Variants in CCDC148 observed in about 807,000 individuals in gnomAD.
The protein encoded by CCDC148 is coiled-coil domain containing 148, also known as coiled-coil domain-containing protein 148.
In CCDC148, 89 loss-of-function variants were observed where a neutral mutation model predicts 85.7. The ratio of observed to expected loss-of-function variants is 1.04; its 90% CI spans 0.87 to 1.24. The LOEUF (loss-of-function observed/expected upper bound fraction) is 1.24, where lower values mean the gene tolerates loss of function less well. CCDC148 is among the 50% of genes most tolerant of loss of function. The pLI is 0.00. For synonymous variants in CCDC148, 230 were observed against 213.9 expected, an observed-to-expected ratio of 1.08 and a Z score of -0.66; for missense variants, 692 against 671.7, an observed-to-expected ratio of 1.03 and a Z score of -0.33.
At chr2:158,403,331 TG>T (rs1400565098) in intron 1 of CCDC148, among the ~76,000 whole-genome samples, 1 of 152,056 alleles carries the variant, frequency 6.6e-6, no homozygotes, top group Non-Finnish European at 1.5e-5. Flanking sequence ...TTTGTAAGAC[TG>T]GGGCTTTCAA....
chr2:158,245,466 A>G (rs1299825323), intron 10 of CCDC148, among the ~76,000 whole-genome samples: 2 of 152,150 alleles, frequency 1.3e-5, no homozygotes, highest in African/African-American at 4.8e-5. Context: ...CAATTGCACA[A>G]AGTGTCTGGT....
rs768238108 is a variant in CCDC148, at chr2:158,339,042, A to G, written c.530T>C (p.Leu177Pro). ...KKQLKTVFER[L>P]RLEQQRIEND... ...TTCTATTCTCTGTTGCTCCAGCCTAAGTCTTTCAAAGACAGTTTTCAATTG... is the reference window on the plus strand; with the variant it reads ...TTCTATTCTCTGTTGCTCCAGCCTAGGTCTTTCAAAGACAGTTTTCAATTG... The change falls in exon 6 of 14, where the codon CTT (leucine) becomes CCT (proline). Residue 177 changes from leucine (L) to proline (P), a missense_variant. Physicochemically the swap from Leu to Pro is moderately conservative, Grantham distance 98. Coordinates refer to ENST00000283233, the MANE Select transcript of CCDC148 (RefSeq NM_138803.4). The G allele has an allele frequency of 2.5e-6, 4 of 1,613,832 alleles. No homozygotes were observed. In the African/African-American group the frequency reaches 5.3e-5, roughly 22 times the overall value.
intron 2 of CCDC148, among the ~76,000 whole-genome samples, chr2:158,354,927 C>T (rs1430793646): frequency 1.1e-4 from 16 of 151,902 alleles, no homozygotes; most frequent in South Asian, 2.1e-4. Flanking sequence ...GTTCAATATA[C>T]GCAAATCAAT....
chr2:158,290,189 G>A (rs1449518968), intron 9 of CCDC148, among the ~76,000 whole-genome samples: 1 of 152,186 alleles, frequency 6.6e-6, no homozygotes, highest in African/African-American at 2.4e-5. Flanking sequence ...GCTGAGGAGG[G>A]CACAAGCTGG....
intron 7 of CCDC148, among the ~76,000 whole-genome samples, chr2:158,326,189 A>C (rs900583014): frequency 6.6e-6 from 1 of 152,148 alleles, no homozygotes; most frequent in Non-Finnish European, 1.5e-5. Context: ...CTTGCCAGGC[A>C]TACTCCCGCC....
At chr2:158,270,076 T>C (rs1689633635) in intron 9 of CCDC148, among the ~76,000 whole-genome samples, 2 of 152,172 alleles carry the variant, frequency 1.3e-5, no homozygotes, top group South Asian at 4.1e-4. Context: ...GGCTAAACTG[T>C]TGGATTTTTA....
Position 158,456,519 on chromosome 2 carries a change from CA to C in CCDC148, c.-81del. 1 of 1,543,970 alleles carries C rather than the reference CA, an allele frequency of 6.5e-7. No individual in the cohort carries two copies. The highest frequency in any genetic ancestry group is 2.4e-5 in the East Asian group (1 of 42,522). On this transcript the variant is annotated 5_prime_UTR_variant, in exon 1 of 14. It removes the in-frame stop codon of an upstream open reading frame in the 5' UTR. Coordinates refer to ENST00000283233, the MANE Select transcript of CCDC148 (RefSeq NM_138803.4). Reference sequence around the variant, plus strand: ...ACGCCCACTCCTGGGCTCTCGCCGTCAGGGGTACATCTAAGGGCTCAGCTGT... The same window carrying C: ...ACGCCCACTCCTGGGCTCTCGCCGTCGGGGTACATCTAAGGGCTCAGCTGT...
chr2:158,262,803 G>A (rs773391350), intron 9 of CCDC148, among the ~76,000 whole-genome samples: 1 of 151,938 alleles, frequency 6.6e-6, no homozygotes, highest in Non-Finnish European at 1.5e-5. Context: ...CCCTTGAAAC[G>A]TGGGGATTAC....
At chr2:158,370,857 TA>T (rs879860248) in intron 1 of CCDC148, among the ~76,000 whole-genome samples, 98 of 135,128 alleles carry the variant, frequency 7.3e-4, no homozygotes, top group Middle Eastern at 4.2e-3. Flanking sequence ...ACATAGACTG[TA>T]AAAAAAAAAA....
chr2:158,210,389 A>G (rs1045633535), intron 11 of CCDC148, among the ~76,000 whole-genome samples: 1 of 152,110 alleles, frequency 6.6e-6, no homozygotes, highest in Non-Finnish European at 1.5e-5. Flanking sequence ...CACTGTCAAT[A>G]TTAGACAGAA....
intron 9 of CCDC148, among the ~76,000 whole-genome samples, chr2:158,281,028 C>T (rs1004168340): frequency 5.3e-5 from 8 of 152,214 alleles, no homozygotes; most frequent in Non-Finnish European, 1.2e-4. Flanking sequence ...TGATTGATTA[C>T]TGGGTACATA....
chr2:158,359,907 C>T (rs1278070740), intron 1 of CCDC148, among the ~76,000 whole-genome samples: 1 of 152,170 alleles, frequency 6.6e-6, no homozygotes, highest in African/African-American at 2.4e-5. Flanking sequence ...TGGAGCCCAG[C>T]AAGCTAAGAT....
chr2:158,383,564 A>C (rs1164305314), intron 1 of CCDC148, among the ~76,000 whole-genome samples: 1 of 150,774 alleles, frequency 6.6e-6, no homozygotes, highest in East Asian at 1.9e-4. Flanking sequence ...AGTGAAAGAA[A>C]AATTTTTTTC....
At chr2:158,385,756 C>A (rs1234432587) in intron 1 of CCDC148, among the ~76,000 whole-genome samples, 1 of 152,120 alleles carries the variant, frequency 6.6e-6, no homozygotes, top group African/African-American at 2.4e-5. Context: ...AGGCTTCTGG[C>A]AACTTCTTGG....
intron 11 of CCDC148, among the ~76,000 whole-genome samples, chr2:158,204,316 A>T (rs1469675374): frequency 6.6e-6 from 1 of 152,176 alleles, no homozygotes; most frequent in African/African-American, 2.4e-5. Context: ...TCCTATTGAG[A>T]GTTTGGATCT....
At chr2:158,221,251 T>TAGTA (rs1325660518) in intron 10 of CCDC148, among the ~76,000 whole-genome samples, 1 of 152,166 alleles carries the variant, frequency 6.6e-6, no homozygotes, top group Admixed American at 6.5e-5. Context: ...TTGTGGTATA[T>TAGTA]AGTAGTTCTG....
At chr2:158,347,523 T>C (rs1161162638) in intron 2 of CCDC148, among the ~76,000 whole-genome samples, 1 of 152,120 alleles carries the variant, frequency 6.6e-6, no homozygotes, top group African/African-American at 2.4e-5. Context: ...GTCTAGGTGA[T>C]TCCAATTCAT....
intron 5 of CCDC148, among the ~76,000 whole-genome samples, chr2:158,339,494 A>G (rs1205314562): frequency 6.6e-6 from 1 of 152,210 alleles, no homozygotes; most frequent in Non-Finnish European, 1.5e-5. Flanking sequence ...TAACTGAAAA[A>G]TAGAAAAAAC....
At chr2:158,435,616 C>G (rs1026442772) in intron 1 of CCDC148, among the ~76,000 whole-genome samples, 2 of 152,134 alleles carry the variant, frequency 1.3e-5, no homozygotes, top group African/African-American at 2.4e-5. Context: ...GGATCAAATT[C>G]AAACAAACAA....
Sources: gnomAD v4.1 joint callset for allele counts (sites outside exome capture counted in the v4.1 genomes callset) on GRCh38, gnomAD v4.1.1 for gene constraint, MANE v1.5 for transcripts, NCBI Gene and HGNC (gene_info 2026-07-23, HGNC 2026-07-21) for gene names.